KCNT2: variants seen among roughly 807,000 people sequenced by gnomAD.
The protein encoded by KCNT2 is potassium sodium-activated channel subfamily T member 2.
In KCNT2, 67 loss-of-function variants were observed where a neutral mutation model predicts 153.8. That is an observed-to-expected ratio of 0.44 (90% CI 0.36 to 0.53). KCNT2 has a LOEUF of 0.53. KCNT2 is among the 20% of genes least tolerant of loss of function. The pLI, the probability that KCNT2 is intolerant of heterozygous loss-of-function variation, is 0.00. For missense variants in KCNT2, 975 were observed against 1,354.8 expected (o/e 0.72, Z 4.40); for synonymous variants, 500 against 458.8 (o/e 1.09, Z -1.15).
At chr1:196,327,109 T>A (rs1045923081) in intron 18 of KCNT2, among the ~76,000 whole-genome samples, 3 of 152,148 alleles carry the variant, frequency 2.0e-5, no homozygotes, top group Non-Finnish European at 4.4e-5. Flanking sequence ...GGTTTGTAGC[T>A]TGATGTTGAA....
chr1:196,603,082 G>A (rs999192861), intron 1 of KCNT2, among the ~76,000 whole-genome samples: 2 of 152,028 alleles, frequency 1.3e-5, no homozygotes, highest in African/African-American at 2.4e-5. Context: ...CACCGCGCCC[G>A]GCCCAAAGTC....
chr1:196,295,905 G>A (rs573948512), intron 22 of KCNT2, among the ~76,000 whole-genome samples: 3 of 151,860 alleles, frequency 2.0e-5, no homozygotes, highest in African/African-American at 7.2e-5. Flanking sequence ...TGACATGGAG[G>A]GTTGTCAATG....
chr1:196,469,153 T>A (rs1677867650), intron 5 of KCNT2, 85 bp from the exon 6 acceptor site: 1 of 742,362 alleles, frequency 1.3e-6, no homozygotes, highest in African/African-American at 1.8e-5. Flanking sequence ...AGAATTTCTC[T>A]AGCAATAAGG....
At chr1:196,580,160 A>G (rs918150227) in intron 1 of KCNT2, among the ~76,000 whole-genome samples, 5 of 152,184 alleles carry the variant, frequency 3.3e-5, no homozygotes, top group Non-Finnish European at 7.4e-5. Context: ...ACACTCAAGT[A>G]AAGAAAGTGA....
intron 26 of KCNT2, among the ~76,000 whole-genome samples, chr1:196,250,478 A>G (rs531427089): frequency 6.6e-6 from 1 of 152,322 alleles, no homozygotes; most frequent in South Asian, 2.1e-4. Context: ...ACAAAAATAA[A>G]TCAAAATTCA....
intron 26 of KCNT2, among the ~76,000 whole-genome samples, chr1:196,246,954 T>C (rs879483697): frequency 5.9e-5 from 9 of 152,076 alleles, no homozygotes; most frequent in Admixed American, 5.9e-4. Context: ...ACATTGAATG[T>C]AAATTGACTA....
At chr1:196,351,711 A>G (rs553521087) in intron 14 of KCNT2, among the ~76,000 whole-genome samples, 188 of 151,914 alleles carry the variant, frequency 1.2e-3, no homozygotes, top group Non-Finnish European at 2.1e-3. Flanking sequence ...TCTCCTGCCT[A>G]ATTGCCCTGG....
At chr1:196,398,471 T>C in intron 13 of KCNT2, 92 bp downstream of exon 13, 1 of 606,024 alleles carries the variant, frequency 1.7e-6, no homozygotes, top group South Asian at 2.4e-5. Flanking sequence ...TCTTGAATAC[T>C]TTAAGTTGCC....
intron 20 of KCNT2, 76 bp downstream of exon 20, chr1:196,319,408 T>C: frequency 1.2e-6 from 1 of 842,250 alleles, no homozygotes; most frequent in Non-Finnish European, 1.9e-6. Context: ...ACACTCATCA[T>C]GCAGTAACAA....
At chr1:196,571,137 A>C (rs1482508984) in intron 1 of KCNT2, among the ~76,000 whole-genome samples, 3 of 152,130 alleles carry the variant, frequency 2.0e-5, no homozygotes, top group Non-Finnish European at 4.4e-5. Flanking sequence ...AGACATGCTC[A>C]ACACATATTT....
intron 1 of KCNT2, among the ~76,000 whole-genome samples, chr1:196,516,284 C>T (rs1682043207): frequency 6.6e-6 from 1 of 152,002 alleles, no homozygotes; most frequent in South Asian, 2.1e-4. Flanking sequence ...ATCATTGTTG[C>T]CTTAGGGCTC....
At chr1:196,288,393 C>T (rs1226111650) in intron 22 of KCNT2, among the ~76,000 whole-genome samples, 2 of 151,818 alleles carry the variant, frequency 1.3e-5, no homozygotes, top group African/African-American at 4.8e-5. Context: ...ACTTTGAAAC[C>T]ATGTTAAGTA....
intron 12 of KCNT2, among the ~76,000 whole-genome samples, chr1:196,416,815 G>A (rs918951215): frequency 4.6e-5 from 7 of 151,980 alleles, no homozygotes; most frequent in African/African-American, 1.7e-4. Context: ...ATGTACAATT[G>A]AGTTATTATT....
At chr1:196,536,765 C>A (rs181408835) in intron 1 of KCNT2, among the ~76,000 whole-genome samples, 1 of 152,304 alleles carries the variant, frequency 6.6e-6, no homozygotes, top group African/African-American at 2.4e-5. Context: ...TCCTGTCACA[C>A]TCTCACTAAC....
intron 12 of KCNT2, among the ~76,000 whole-genome samples, chr1:196,399,335 T>G (rs1671224266): frequency 6.6e-6 from 1 of 151,726 alleles, no homozygotes; most frequent in Non-Finnish European, 1.5e-5. Context: ...AGCTAATACA[T>G]TTTTGGAAAG....
intron 1 of KCNT2, among the ~76,000 whole-genome samples, chr1:196,545,816 T>C (rs113899574): frequency 0.055 from 8,175 of 149,768 alleles, 728 homozygotes; most frequent in African/African-American, 0.19. Flanking sequence ...TACAATATAT[T>C]ATCTTTTTAT....
intron 1 of KCNT2, among the ~76,000 whole-genome samples, chr1:196,495,621 G>A (rs952820999): frequency 6.6e-6 from 1 of 151,234 alleles, no homozygotes; most frequent in East Asian, 1.9e-4. Flanking sequence ...GTAATCTTTC[G>A]TGTACTCTTA....
chr1:196,385,265 A>G (rs1259408940), intron 13 of KCNT2, among the ~76,000 whole-genome samples: 4 of 152,108 alleles, frequency 2.6e-5, no homozygotes, highest in Admixed American at 6.6e-5. Context: ...TGACATTCCA[A>G]TCATGTACTA....
At chr1:196,519,786 T>G (rs755430501) in intron 1 of KCNT2, among the ~76,000 whole-genome samples, 3 of 151,960 alleles carry the variant, frequency 2.0e-5, no homozygotes, top group Non-Finnish European at 4.4e-5. Context: ...AGCTCTGAAA[T>G]TAAATCAGTA....
Sources: gnomAD v4.1 joint callset for allele counts (sites outside exome capture counted in the v4.1 genomes callset) on GRCh38, gnomAD v4.1.1 for gene constraint, MANE v1.5 for transcripts, NCBI Gene and HGNC (gene_info 2026-07-23, HGNC 2026-07-21) for gene names.